Variants in MBNL2 observed in about 807,000 individuals in gnomAD.
MBNL2 encodes the protein muscleblind like splicing regulator 2, also known as muscleblind-like protein 2.
Under a neutral mutation model 41.9 loss-of-function variants are expected in MBNL2, and 17 were observed. That is an observed-to-expected ratio of 0.41 (90% CI 0.28 to 0.61). The LOEUF is 0.61. Among genes scored for constraint, MBNL2 ranks in the 20% least tolerant of loss-of-function variants. The probability of loss-of-function intolerance (pLI) is 0.35; values close to 1 mark genes in which losing one functional copy is unlikely to be tolerated. For synonymous variants in MBNL2, 195 were observed against 182.9 expected, an observed-to-expected ratio of 1.07 and a Z score of -0.53; for missense variants, 336 against 505.6, an observed-to-expected ratio of 0.66 and a Z score of 3.22.
the MBNL2 span, among the ~76,000 whole-genome samples, chr13:97,164,663 A>G: frequency 6.6e-6 from 1 of 152,042 alleles, no homozygotes; most frequent in African/African-American, 2.4e-5. Context: ...TGTTTATATT[A>G]TCCTTTAAGA....
At chr13:97,233,110 G>C (rs1405881767) in intron 1 of MBNL2, among the ~76,000 whole-genome samples, 1 of 87,952 alleles carries the variant, frequency 1.1e-5, no homozygotes. Flanking sequence ...TGATGCTCTC[G>C]CTTCAGGCTC....
At chr13:97,378,691 G>T (rs745719033) in intron 8 of MBNL2, among the ~76,000 whole-genome samples, 16 of 151,874 alleles carry the variant, frequency 1.1e-4, no homozygotes, top group Non-Finnish European at 2.1e-4. Context: ...AACATACGGG[G>T]TGCCATACAG....
the MBNL2 span, among the ~76,000 whole-genome samples, chr13:97,211,805 T>G: frequency 5.9e-5 from 9 of 152,212 alleles, no homozygotes; most frequent in African/African-American, 2.2e-4. Flanking sequence ...AGATTAAAAT[T>G]TCATTATAAA....
chr13:97,264,694 G>T (rs1358092515), intron 1 of MBNL2, among the ~76,000 whole-genome samples: 2 of 152,216 alleles, frequency 1.3e-5, no homozygotes, highest in Non-Finnish European at 2.9e-5. Flanking sequence ...TCAAAAAAGG[G>T]GTTATTAGTA....
the MBNL2 span, among the ~76,000 whole-genome samples, chr13:97,174,569 A>G: frequency 6.6e-6 from 1 of 152,236 alleles, no homozygotes; most frequent in Admixed American, 6.5e-5. Context: ...AGATGCTAAC[A>G]AAAAGCAAAT....
chr13:97,390,964 G>A (rs1311336840), intron 8 of MBNL2, among the ~76,000 whole-genome samples: 1 of 151,976 alleles, frequency 6.6e-6, no homozygotes, highest in Non-Finnish European at 1.5e-5. Flanking sequence ...TCTGATCACC[G>A]TAGCAAATAT....
chr13:97,253,723 T>A (rs2047004258), intron 1 of MBNL2, among the ~76,000 whole-genome samples: 1 of 152,142 alleles, frequency 6.6e-6, no homozygotes, highest in African/African-American at 2.4e-5. Context: ...TACACAAAAC[T>A]TCTCATTTGA....
chr13:97,220,643 C>T (rs1057457914), upstream of MBNL2, among the ~76,000 whole-genome samples: 6 of 152,084 alleles, frequency 3.9e-5, no homozygotes, highest in Admixed American at 3.9e-4. Context: ...AACAAGGGAG[C>T]TTGAAGATGA....
chr13:97,295,310 ACTGT>A (rs2056842033), intron 2 of MBNL2, among the ~76,000 whole-genome samples: 2 of 151,902 alleles, frequency 1.3e-5, no homozygotes, highest in South Asian at 4.1e-4. Flanking sequence ...TAGTCTTCAG[ACTGT>A]CTTTTAAAGT....
intron 8 of MBNL2, among the ~76,000 whole-genome samples, chr13:97,389,262 C>T (rs2066195616): frequency 6.6e-6 from 1 of 152,200 alleles, no homozygotes; most frequent in Admixed American, 6.5e-5. Context: ...CCATAACCCA[C>T]GTTTGCCCAT....
intron 1 of MBNL2, among the ~76,000 whole-genome samples, chr13:97,262,853 T>C (rs1330796566): frequency 6.6e-6 from 1 of 152,152 alleles, no homozygotes; most frequent in Non-Finnish European, 1.5e-5. Context: ...AACCTCTGCC[T>C]CCTGGGTTCA....
chr13:97,266,209 T>A (rs1429447230), intron 1 of MBNL2, among the ~76,000 whole-genome samples: 1 of 152,108 alleles, frequency 6.6e-6, no homozygotes, highest in Non-Finnish European at 1.5e-5. Context: ...GCCACTGCAC[T>A]CCAGCCTAGG....
At chr13:97,213,312 G>C in the MBNL2 span, among the ~76,000 whole-genome samples, 1 of 151,650 alleles carries the variant, frequency 6.6e-6, no homozygotes, top group Non-Finnish European at 1.5e-5. Context: ...CTAATGAACA[G>C]GAAAAAAAAA....
chr13:97,325,424 A>G (rs1215693839), intron 2 of MBNL2, among the ~76,000 whole-genome samples: 1 of 152,214 alleles, frequency 6.6e-6, no homozygotes, highest in Non-Finnish European at 1.5e-5. Context: ...CCAGCCAACC[A>G]AAATGCATTT....
At chr13:97,144,060 T>G in the MBNL2 span, among the ~76,000 whole-genome samples, 1 of 152,148 alleles carries the variant, frequency 6.6e-6, no homozygotes, top group Non-Finnish European at 1.5e-5. Flanking sequence ...ACCAGGCCAG[T>G]CTCGAACTCC....
upstream of MBNL2, chr13:97,222,281 G>A (rs1444038622): frequency 1.5e-5 from 6 of 396,392 alleles, no homozygotes; most frequent in African/African-American, 8.2e-5. Context: ...GCTGGCCCCG[G>A]CTGGGAGGGA....
chr13:97,338,806 C>T (rs570865278), intron 3 of MBNL2, among the ~76,000 whole-genome samples: 15 of 152,274 alleles, frequency 9.9e-5, no homozygotes, highest in African/African-American at 3.4e-4. Flanking sequence ...TAGGAGACGC[C>T]GTGTGTCAGC....
the MBNL2 span, among the ~76,000 whole-genome samples, chr13:97,148,307 C>T: frequency 2.9e-4 from 44 of 151,854 alleles, no homozygotes; most frequent in Non-Finnish European, 6.0e-4. Flanking sequence ...AGAAGGACAA[C>T]CTCTGTTAGA....
intron 2 of MBNL2, among the ~76,000 whole-genome samples, chr13:97,290,821 G>C (rs555602593): frequency 6.6e-6 from 1 of 152,176 alleles, no homozygotes; most frequent in African/African-American, 2.4e-5. Flanking sequence ...GAAGACTTTT[G>C]CAGAAAGGGT....
Sources: allele counts gnomAD v4.1 joint callset (sites outside exome capture counted in the v4.1 genomes callset), GRCh38; gene constraint gnomAD v4.1.1; transcripts MANE v1.5; gene names NCBI Gene and HGNC (gene_info 2026-07-23, HGNC 2026-07-21).